Variants in ZFAT observed in about 807,000 individuals in gnomAD.
ZFAT encodes the protein zinc finger protein ZFAT.
In ZFAT, 64 loss-of-function variants were observed where a neutral mutation model predicts 117.7. That is an observed-to-expected ratio of 0.54 (90% CI 0.44 to 0.67). The LOEUF is 0.67. Among genes scored for constraint, ZFAT ranks in the 30% least tolerant of loss-of-function variants. The pLI, the probability that ZFAT is intolerant of heterozygous loss-of-function variation, is 0.00. For missense variants in ZFAT, 1,433 were observed against 1,584.5 expected (o/e 0.90, Z 1.62); for synonymous variants, 679 against 615.0 (o/e 1.10, Z -1.54).
rs1224011616 is a variant in ZFAT, at chr8:134,627,032, T to G, written c.448+10429A>C. Reference sequence around the variant, plus strand: ...AGCTCTGCCTGCACAAAAGAATCCATAAGACCAGTGGGGGCCAATGGCATA... The same window carrying G: ...AGCTCTGCCTGCACAAAAGAATCCAGAAGACCAGTGGGGGCCAATGGCATA... On this transcript the variant is annotated intron_variant, in intron 3 of 15. Transcript: ENST00000377838. 2.0e-5 allele frequency among the ~76,000 whole-genome samples: 3 copies of G among 152,082 alleles called. No individual in the cohort carries two copies. In the East Asian group the frequency reaches 5.8e-4, roughly 29 times the overall value.
At chr8:134,764,702 A>G in the ZFAT span, 1 of 152,214 alleles carries the variant, frequency 6.6e-6, no homozygotes, top group Admixed American at 6.5e-5. Flanking sequence ...ATTGTTTTGT[A>G]TGCATTTAAA....
intron 1 of ZFAT, among the ~76,000 whole-genome samples, chr8:134,676,482 C>A (rs1379324832): frequency 6.6e-6 from 1 of 152,184 alleles, no homozygotes; most frequent in Non-Finnish European, 1.5e-5. Context: ...CTTAGACTCC[C>A]ACACAGTAAT....
chr8:134,684,578 C>T (rs371380970), intron 1 of ZFAT, among the ~76,000 whole-genome samples: 17 of 152,062 alleles, frequency 1.1e-4, no homozygotes, highest in South Asian at 2.1e-4. Flanking sequence ...TTCTCCTTGA[C>T]GTTGATTAGA....
chr8:134,705,709 T>TC (rs398038288), intron 1 of ZFAT, among the ~76,000 whole-genome samples: 33 of 150,486 alleles, frequency 2.2e-4, no homozygotes, highest in East Asian at 1.4e-3. Flanking sequence ...TTTTTTTTTT[T>TC]CTAAGTTTCA....
intron 2 of ZFAT, among the ~76,000 whole-genome samples, chr8:134,653,270 T>TTAAAAAAAA (rs1554615159): frequency 2.5e-4 from 23 of 91,884 alleles, no homozygotes; most frequent in Non-Finnish European, 3.8e-4. Flanking sequence ...ATGTCTTTTT[T>TTAAAAAAAA]AAAAAAAAAA....
At chr8:134,693,579 CCTTA>C (rs747933215) in intron 1 of ZFAT, among the ~76,000 whole-genome samples, 11 of 150,294 alleles carry the variant, frequency 7.3e-5, no homozygotes, top group Non-Finnish European at 1.5e-4. Flanking sequence ...ACATTGTATA[CCTTA>C]CTTACATACA....
chr8:134,579,813 TG>T lies in ZFAT; in HGVS notation c.2887+4018del, dbSNP rs1825593182. On this transcript the variant is annotated intron_variant, in intron 10 of 15. Coordinates refer to ENST00000377838, the MANE Select transcript of ZFAT (RefSeq NM_020863.4). ...CAAAAACACAAAAATTAGCTGGGTATGGTGGCACATGCCTGTAATCCCAGCT... is the reference window on the plus strand; with the variant it reads ...CAAAAACACAAAAATTAGCTGGGTATGTGGCACATGCCTGTAATCCCAGCT... 1.3e-5 allele frequency among the ~76,000 whole-genome samples: 2 copies of T among 151,950 alleles called. 1 individual carries two copies. The highest frequency in any genetic ancestry group is 4.2e-4 in the South Asian group (2 of 4,814).
chr8:134,578,074 A>G (rs999403415), intron 10 of ZFAT, among the ~76,000 whole-genome samples: 6 of 152,130 alleles, frequency 3.9e-5, no homozygotes, highest in Admixed American at 1.3e-4. Flanking sequence ...GGAAGGGCCA[A>G]AGCAAAACCC....
chr8:134,780,876 C>A, the ZFAT span, among the ~76,000 whole-genome samples: 1 of 152,154 alleles, frequency 6.6e-6, no homozygotes, highest in Non-Finnish European at 1.5e-5. Context: ...ATATAGCTCA[C>A]CTCTTGTCTC....
At chr8:134,565,607 TGGAGAGGCACTCCCCAGGGAG>T (rs768664939) in intron 10 of ZFAT, 186 bp from the exon 11 acceptor site, 37 of 702,732 alleles carry the variant, frequency 5.3e-5, no homozygotes, top group Non-Finnish European at 9.4e-5. Flanking sequence ...CAGGTGGGAG[TGGAGAGGCACTCCCCAGGGAG>T]GGAGAGGCAC....
At chr8:134,702,150 C>G (rs574735990) in intron 1 of ZFAT, among the ~76,000 whole-genome samples, 2 of 152,308 alleles carry the variant, frequency 1.3e-5, no homozygotes, top group East Asian at 3.9e-4. Context: ...GATGCAGCCC[C>G]TTGACCTTGG....
intron 12 of ZFAT, among the ~76,000 whole-genome samples, chr8:134,523,860 C>A (rs891498180): frequency 2.0e-5 from 3 of 152,190 alleles, no homozygotes; most frequent in Non-Finnish European, 2.9e-5. Flanking sequence ...GAGAAAGCAG[C>A]CCCACCAAAC....
chr8:134,831,003 A>T, the ZFAT span, among the ~76,000 whole-genome samples: 3 of 152,222 alleles, frequency 2.0e-5, no homozygotes, highest in Non-Finnish European at 2.9e-5. Context: ...CTCGTAAATT[A>T]CTTTCAGAGA....
At chr8:134,820,027 T>A in the ZFAT span, among the ~76,000 whole-genome samples, 1 of 152,228 alleles carries the variant, frequency 6.6e-6, no homozygotes, top group Non-Finnish European at 1.5e-5. Context: ...TCTTTCTGGA[T>A]AATAGAGAAA....
intron 10 of ZFAT, among the ~76,000 whole-genome samples, chr8:134,570,932 G>A (rs1160866388): frequency 6.6e-6 from 1 of 152,190 alleles, no homozygotes; most frequent in Non-Finnish European, 1.5e-5. Flanking sequence ...GGGGGTGAGA[G>A]GAGAGCACAG....
At chr8:134,564,116 C>T (rs1824248823) in intron 11 of ZFAT, among the ~76,000 whole-genome samples, 1 of 148,888 alleles carries the variant, frequency 6.7e-6, no homozygotes, top group Admixed American at 6.8e-5. Context: ...GATCGTGCCA[C>T]TGCACTCCTG....
At chr8:134,551,890 G>C (rs1242144686) in intron 11 of ZFAT, among the ~76,000 whole-genome samples, 1 of 151,956 alleles carries the variant, frequency 6.6e-6, no homozygotes, top group African/African-American at 2.4e-5. Context: ...TCATCATCAG[G>C]AATGCAAAAA....
chr8:134,759,765 C>G, the ZFAT span, among the ~76,000 whole-genome samples: 1 of 151,940 alleles, frequency 6.6e-6, no homozygotes, highest in Non-Finnish European at 1.5e-5. Context: ...CACCTGAGGT[C>G]AGGGGTTTGA....
chr8:134,568,024 C>T (rs1441484449), intron 10 of ZFAT, among the ~76,000 whole-genome samples: 1 of 152,232 alleles, frequency 6.6e-6, no homozygotes, highest in African/African-American at 2.4e-5. Context: ...TGGGCAGGGA[C>T]TACATCTTAC....
Sources: gnomAD v4.1 joint callset for allele counts (sites outside exome capture counted in the v4.1 genomes callset) on GRCh38, gnomAD v4.1.1 for gene constraint, MANE v1.5 for transcripts, NCBI Gene and HGNC (gene_info 2026-07-23, HGNC 2026-07-21) for gene names.